GLRA1: variants seen among roughly 807,000 people sequenced by gnomAD.
GLRA1 encodes glycine receptor subunit alpha-1.
In GLRA1, 37 loss-of-function variants were observed where a neutral mutation model predicts 48.3. That is an observed-to-expected ratio of 0.77 (90% confidence interval 0.59 to 1.01). The LOEUF (loss-of-function observed/expected upper bound fraction) is 1.01. Ranked by LOEUF, GLRA1 falls within the 50% of genes least tolerant of loss-of-function variation. GLRA1 has a pLI of 0.00. For missense variants in GLRA1, 427 were observed against 571.0 expected (o/e 0.75, Z 2.57); for synonymous variants, 196 against 210.7 (o/e 0.93, Z 0.60).
At chr5:151,829,215 G>C (rs1763363260) in intron 7 of GLRA1, 148 bp from the exon 8 acceptor site, 7 of 709,074 alleles carry the variant, frequency 9.9e-6, no homozygotes, top group Non-Finnish European at 1.7e-5. Flanking sequence ...TGGAGGTATA[G>C]AGGAAAACAG....
chr5:151,918,810 C>A (rs760441436), intron 1 of GLRA1, among the ~76,000 whole-genome samples: 2 of 152,126 alleles, frequency 1.3e-5, no homozygotes, highest in Non-Finnish European at 2.9e-5. Flanking sequence ...CCATCACTAC[C>A]ACTGAGGCAG....
rs937785206 is a variant in GLRA1 at position 151,861,284 on chromosome 5, T to A, written c.253-1276A>T. ...GTCAAATGGTATTTCTAGTTCTAGATCCTTGAGGAATCGCCACACTGTCTT... is the reference window on the plus strand; with the variant it reads ...GTCAAATGGTATTTCTAGTTCTAGAACCTTGAGGAATCGCCACACTGTCTT... On this transcript the variant is annotated intron_variant, in intron 3 of 8. Coordinates refer to ENST00000274576, the MANE Select transcript of GLRA1 (RefSeq NM_000171.4). Among the ~76,000 whole-genome samples, 4 of 152,212 alleles carry A rather than the reference T, an allele frequency of 2.6e-5. 1 individual carries two copies. The highest frequency in any genetic ancestry group is 5.9e-5 in the Non-Finnish European group (4 of 68,046).
At chr5:151,922,917 A>G (rs1052316801) in intron 1 of GLRA1, among the ~76,000 whole-genome samples, 2 of 152,248 alleles carry the variant, frequency 1.3e-5, no homozygotes, top group African/African-American at 4.8e-5. Flanking sequence ...ATCAATTTGC[A>G]TACAAATGTT....
At chr5:151,869,167 G>T (rs370486629) in intron 3 of GLRA1, among the ~76,000 whole-genome samples, 3 of 151,254 alleles carry the variant, frequency 2.0e-5, no homozygotes, top group Non-Finnish European at 1.5e-5. Context: ...GCAGTGGTGC[G>T]ATCTCTGCTC....
At chr5:151,923,731 T>C (rs1286522487) in intron 1 of GLRA1, among the ~76,000 whole-genome samples, 1 of 152,104 alleles carries the variant, frequency 6.6e-6, no homozygotes, top group Non-Finnish European at 1.5e-5. Context: ...AATATAAGCA[T>C]AAATTTAAAA....
intron 3 of GLRA1, among the ~76,000 whole-genome samples, chr5:151,867,302 A>T (rs1753362914): frequency 6.6e-6 from 1 of 152,074 alleles, no homozygotes; most frequent in Non-Finnish European, 1.5e-5. Context: ...CTGAGGTGTG[A>T]ACAGTATCTG....
chr5:151,826,059 A>G (rs556391055), intron 8 of GLRA1, among the ~76,000 whole-genome samples: 29 of 152,342 alleles, frequency 1.9e-4, no homozygotes, highest in Non-Finnish European at 3.7e-4. Context: ...ATTCAAATGC[A>G]TAGAAGGAGG....
At chr5:151,898,327 AG>A (rs1337864329) in intron 1 of GLRA1, among the ~76,000 whole-genome samples, 1 of 151,994 alleles carries the variant, frequency 6.6e-6, no homozygotes, top group African/African-American at 2.4e-5. Context: ...TTTTTCTCCA[AG>A]GGGCCAACCT....
rs922073803 is a variant in GLRA1, at chr5:151,911,812, G to T, written c.56+12682C>A. Among the ~76,000 whole-genome samples, 6 of 151,936 alleles carry T rather than the reference G, an allele frequency of 3.9e-5. No individual in the cohort carries two copies. The South Asian group carries it at 6.2e-4, about 16-fold the overall frequency. ...TTTAGTAGAGACGAGGTTTCACCGT[G>T]TTAGCCAGGATGGTCTCGATCTCCT... On this transcript the variant is annotated intron_variant, in intron 1 of 8. Transcript: ENST00000274576.
At chr5:151,836,354 T>C (rs1171867756) in intron 7 of GLRA1, among the ~76,000 whole-genome samples, 1 of 152,210 alleles carries the variant, frequency 6.6e-6, no homozygotes, top group Admixed American at 6.5e-5. Flanking sequence ...ATAGGAAGAA[T>C]TAATATTGTG....
chr5:151,882,049 C>G (rs568537660), intron 3 of GLRA1, among the ~76,000 whole-genome samples: 3 of 151,818 alleles, frequency 2.0e-5, no homozygotes, highest in East Asian at 3.9e-4. Context: ...CACTAATTAG[C>G]TGTGTGTGTG....
chr5:151,893,156 G>A (rs556090503), intron 1 of GLRA1, among the ~76,000 whole-genome samples: 16 of 152,178 alleles, frequency 1.1e-4, no homozygotes, highest in Non-Finnish European at 2.1e-4. Context: ...GTCAAACAGG[G>A]ATGCATTACA....
chr5:151,830,988 C>A, intron 7 of GLRA1, among the ~76,000 whole-genome samples: 1 of 152,188 alleles, frequency 6.6e-6, no homozygotes, highest in Admixed American at 6.5e-5. Flanking sequence ...TGGGTGCAGC[C>A]CACAGAAGGT....
At chr5:151,833,633 T>C (rs539419862) in intron 7 of GLRA1, among the ~76,000 whole-genome samples, 203 of 152,036 alleles carry the variant, frequency 1.3e-3, no homozygotes, top group African/African-American at 4.4e-3. Context: ...TTGGCTAATT[T>C]TGTATTTTTA....
chr5:151,899,081 A>C (rs1754300120), intron 1 of GLRA1, among the ~76,000 whole-genome samples: 2 of 152,108 alleles, frequency 1.3e-5, no homozygotes, highest in Non-Finnish European at 2.9e-5. Flanking sequence ...AATGAGGATG[A>C]AATACTTGTG....
intron 7 of GLRA1, chr5:151,850,271 T>G (rs140962659): frequency 1.9e-6 from 3 of 1,604,794 alleles, no homozygotes; most frequent in Non-Finnish European, 2.6e-6. Context: ...AGGTCATGCC[T>G]GCCCAGTGGG....
In GLRA1 at chr5:151,876,949, CTG is replaced by C. The variant is rs1753642119; in HGVS notation, c.252+9770_252+9771del. Among the ~76,000 whole-genome samples, 12 of 152,232 alleles carry C rather than the reference CTG, an allele frequency of 7.9e-5. No homozygotes were observed. In the South Asian group the frequency reaches 2.5e-3, roughly 32 times the overall value. On this transcript the variant is annotated intron_variant, in intron 3 of 8. Coordinates refer to ENST00000274576, the MANE Select transcript of GLRA1 (RefSeq NM_000171.4). ...GTGCCAGATCTCTCTCTCTCTCTCT[CTG>C]TCTCTCTTTGCACAGAGAGAAGCCA...
Position 151,851,502 on chromosome 5 carries a change from C to T in GLRA1, c.800G>A (p.Trp267Ter), listed in dbSNP as rs1164544572. The T allele has an allele frequency of 6.2e-7, 1 of 1,613,906 alleles. No individual in the cohort carries two copies. The highest frequency in any genetic ancestry group is 1.1e-5 in the South Asian group (1 of 91,076). Reference protein sequence around the residue: ...IPSLLIVILSWISFWINMDAA... With the variant: ...IPSLLIVILS ...ATCCATGTTGATCCAGAAGGAGATC[C>T]ATGAGAGGATGACAATGAGCAGGCT... The change falls in exon 7 of 9, where the codon TGG (tryptophan) becomes TAG (stop). Residue 267 changes from tryptophan to a stop codon, truncating the protein, a stop_gained. Coordinates refer to ENST00000274576, the MANE Select transcript of GLRA1 (RefSeq NM_000171.4). LOFTEE classifies it high-confidence loss of function.
intron 4 of GLRA1, among the ~76,000 whole-genome samples, chr5:151,857,295 A>G (rs1369731366): frequency 6.6e-6 from 1 of 152,244 alleles, no homozygotes; most frequent in Admixed American, 6.5e-5. Context: ...TCCTGATTGA[A>G]AAATGGAGGT....
Sources: allele counts gnomAD v4.1 joint callset (sites outside exome capture counted in the v4.1 genomes callset), GRCh38; gene constraint gnomAD v4.1.1; transcripts MANE v1.5; gene names NCBI Gene and HGNC (gene_info 2026-07-23, HGNC 2026-07-21).